The following SHISA6 variants were observed in gnomAD, a reference collection of about 807,000 sequenced individuals.
The protein encoded by SHISA6 is protein shisa-6.
SHISA6 carries 22 observed loss-of-function variants against 47.9 expected under a neutral mutation model. The ratio of observed to expected loss-of-function variants is 0.46; its 90% CI spans 0.33 to 0.66. The LOEUF (loss-of-function observed/expected upper bound fraction) is 0.66. SHISA6 is among the 30% of genes least tolerant of loss of function. The pLI, the probability that SHISA6 is intolerant of heterozygous loss-of-function variation, is 0.02. For synonymous variants in SHISA6, 388 were observed against 337.8 expected (o/e 1.15, Z -1.63); for missense variants, 680 against 764.6 (o/e 0.89, Z 1.30).
intron 3 of SHISA6, among the ~76,000 whole-genome samples, chr17:11,429,910 G>T (rs1376731810): frequency 6.6e-6 from 1 of 151,308 alleles, no homozygotes; most frequent in African/African-American, 2.4e-5. Flanking sequence ...TTAGCCTTCA[G>T]GTTGAAAGTG....
intron 3 of SHISA6, among the ~76,000 whole-genome samples, chr17:11,457,697 C>T (rs1356200683): frequency 4.1e-5 from 6 of 147,738 alleles, no homozygotes; most frequent in Admixed American, 6.9e-5. Context: ...GCCGAGACCA[C>T]GCCATTGCAC....
intron 2 of SHISA6, among the ~76,000 whole-genome samples, chr17:11,373,240 A>C (rs971576116): frequency 6.6e-6 from 1 of 151,650 alleles, no homozygotes; most frequent in African/African-American, 2.4e-5. Flanking sequence ...TTAGTCCCTG[A>C]GTTCTTAAAA....
At chr17:11,302,810 G>A (rs1266267779) in intron 2 of SHISA6, among the ~76,000 whole-genome samples, 2 of 151,822 alleles carry the variant, frequency 1.3e-5, no homozygotes, top group South Asian at 2.1e-4. Flanking sequence ...CCCAGGGACC[G>A]AGGTTGCTAT....
intron 3 of SHISA6, among the ~76,000 whole-genome samples, chr17:11,403,247 C>T (rs1412396939): frequency 6.6e-6 from 1 of 152,124 alleles, no homozygotes; most frequent in African/African-American, 2.4e-5. Context: ...TCTCAAGACT[C>T]AGATTTGATA....
chr17:11,464,773 T>C (rs1469766540), intron 3 of SHISA6, among the ~76,000 whole-genome samples: 1 of 152,080 alleles, frequency 6.6e-6, no homozygotes, highest in Admixed American at 6.5e-5. Flanking sequence ...TGAAACTCCG[T>C]CTCTACTAAA....
chr17:11,311,623 T>G (rs570161584), intron 2 of SHISA6, among the ~76,000 whole-genome samples: 1 of 152,036 alleles, frequency 6.6e-6, no homozygotes, highest in Non-Finnish European at 1.5e-5. Flanking sequence ...GTGTTTTATG[T>G]TTTTTAAATT....
chr17:11,454,042 A>G (rs1364380069), intron 3 of SHISA6, among the ~76,000 whole-genome samples: 1 of 152,154 alleles, frequency 6.6e-6, no homozygotes, highest in African/African-American at 2.4e-5. Context: ...TTTATGTTTA[A>G]TTTTATAAGT....
chr17:11,472,477 G>A (rs2142323155), intron 3 of SHISA6, among the ~76,000 whole-genome samples: 1 of 152,236 alleles, frequency 6.6e-6, no homozygotes, highest in East Asian at 1.9e-4. Flanking sequence ...GGGATTATAG[G>A]CATGAACCAT....
chr17:11,315,433 T>C (rs1223506010), intron 2 of SHISA6, among the ~76,000 whole-genome samples: 1 of 152,150 alleles, frequency 6.6e-6, no homozygotes, highest in Non-Finnish European at 1.5e-5. Flanking sequence ...TTCTTTTTTT[T>C]CTTATTACAT....
intron 3 of SHISA6, among the ~76,000 whole-genome samples, chr17:11,400,337 C>A (rs1261839653): frequency 1.3e-5 from 2 of 152,186 alleles, no homozygotes; most frequent in African/African-American, 4.8e-5. Context: ...AAACCAACTT[C>A]TTTTTGTGAT....
At chr17:11,410,962 A>AT (rs567698850) in intron 3 of SHISA6, among the ~76,000 whole-genome samples, 107 of 151,918 alleles carry the variant, frequency 7.0e-4, no homozygotes, top group African/African-American at 2.2e-3. Context: ...TATTTTTTTT[A>AT]TTTTTTTATT....
At chr17:11,532,739 CTTTTTTTTTTTTTT>C (rs71142217) in intron 3 of SHISA6, among the ~76,000 whole-genome samples, 2 of 71,256 alleles carry the variant, frequency 2.8e-5, no homozygotes, top group African/African-American at 1.2e-4. Context: ...TCTATCAGGG[CTTTTTTTTTTTTTT>C]TTTTTTTTTT....
At chr17:11,275,705 T>C (rs1429879253) in intron 2 of SHISA6, among the ~76,000 whole-genome samples, 1 of 152,172 alleles carries the variant, frequency 6.6e-6, no homozygotes, top group African/African-American at 2.4e-5. Context: ...GAGCCATGTG[T>C]GACCATCTGG....
intron 2 of SHISA6, among the ~76,000 whole-genome samples, chr17:11,278,653 G>A (rs1240306767): frequency 5.3e-5 from 8 of 152,188 alleles, no homozygotes; most frequent in African/African-American, 1.2e-4. Flanking sequence ...TCAAGACCCC[G>A]CTGTGGGTGG....
intron 3 of SHISA6, among the ~76,000 whole-genome samples, chr17:11,435,119 TTCTC>T (rs986982462): frequency 1.8e-5 from 2 of 110,122 alleles, no homozygotes; most frequent in African/African-American, 4.5e-5. Context: ...GTCTCTGTCT[TTCTC>T]TCTCTCTCTG....
At chr17:11,465,407 C>T (rs865956484) in intron 3 of SHISA6, among the ~76,000 whole-genome samples, 1 of 152,152 alleles carries the variant, frequency 6.6e-6, no homozygotes, top group Admixed American at 6.6e-5. Flanking sequence ...AATTAGGCCA[C>T]ATGAAGCATT....
intron 2 of SHISA6, among the ~76,000 whole-genome samples, chr17:11,305,208 T>C (rs1910068481): frequency 6.6e-6 from 1 of 152,198 alleles, no homozygotes; most frequent in Non-Finnish European, 1.5e-5. Flanking sequence ...AGGGGTATAC[T>C]GTTTACACTG....
intron 2 of SHISA6, among the ~76,000 whole-genome samples, chr17:11,347,186 T>C (rs1211862844): frequency 2.0e-5 from 3 of 151,834 alleles, no homozygotes; most frequent in Middle Eastern, 6.8e-3. Flanking sequence ...GGCATCATTT[T>C]TTGAGGGAAA....
chr17:11,326,089 G>A (rs1170245346), intron 2 of SHISA6, among the ~76,000 whole-genome samples: 1 of 152,126 alleles, frequency 6.6e-6, no homozygotes, highest in Non-Finnish European at 1.5e-5. Flanking sequence ...GGCTAACATG[G>A]TGAAACCCTG....
Sources: gnomAD v4.1 joint callset for allele counts (sites outside exome capture counted in the v4.1 genomes callset) on GRCh38, gnomAD v4.1.1 for gene constraint, MANE v1.5 for transcripts, NCBI Gene and HGNC (gene_info 2026-07-23, HGNC 2026-07-21) for gene names.